RAPGEF1: variants seen among roughly 807,000 people sequenced by gnomAD.
The protein encoded by RAPGEF1 is CRK SH3-binding GNRP.
Under a neutral mutation model 143.3 loss-of-function variants are expected in RAPGEF1, and 33 were observed. The observed-to-expected ratio is 0.23, with a 90% CI of 0.17 to 0.31. The LOEUF is 0.31. RAPGEF1 is among the 10% of genes least tolerant of loss of function. The pLI is 1.00. For synonymous variants in RAPGEF1, 629 were observed against 676.5 expected, an observed-to-expected ratio of 0.93 and a Z score of 1.09; for missense variants, 1,199 against 1,645.4, an observed-to-expected ratio of 0.73 and a Z score of 4.69.
rs778931100 is a variant in RAPGEF1, at chr9:131,583,465, C to T, written c.3415-763G>A. Among the ~76,000 whole-genome samples, 3 of 150,026 alleles carry T rather than the reference C, an allele frequency of 2.0e-5. No individual in the cohort carries two copies. Among genetic ancestry groups the T allele is most frequent in the Non-Finnish European group, 4.4e-5 (3 of 67,432 alleles). Reference sequence around the variant, plus strand: ...CTGGGTCACACTCGGGTTCCTGACACGACCCCCAGGTGGCCTGGCTGACGC... The same window carrying T: ...CTGGGTCACACTCGGGTTCCTGACATGACCCCCAGGTGGCCTGGCTGACGC... On this transcript the variant is annotated intron_variant, in intron 24 of 26. Coordinates refer to ENST00000683357, the MANE Select transcript of RAPGEF1 (RefSeq NM_001377935.1). The surrounding 1 kb of genome is among the most constrained non-coding windows in gnomAD (Gnocchi z 4.7).
At chr9:131,672,327 T>C (rs1350622261) in intron 1 of RAPGEF1, among the ~76,000 whole-genome samples, 1 of 152,262 alleles carries the variant, frequency 6.6e-6, no homozygotes, top group East Asian at 1.9e-4. Flanking sequence ...ACTTGCTATT[T>C]CACTGAATCA....
At chr9:131,739,693 C>T in intron 1 of RAPGEF1, 77 bp downstream of exon 1, 1 of 997,478 alleles carries the variant, frequency 1.0e-6, no homozygotes, top group Non-Finnish European at 1.2e-6. Context: ...CCCGGGCGAC[C>T]CGCGCTCGGC....
chr9:131,579,563 T>C lies in RAPGEF1; in HGVS notation c.3726A>G (p.Glu1242=), dbSNP rs775624093. The C allele has an allele frequency of 2.1e-5, 34 of 1,614,028 alleles. No individual in the cohort carries two copies. Among genetic ancestry groups the C allele is most frequent in the Non-Finnish European group, 2.7e-5 (32 of 1,179,862 alleles). ...SDHLAEEALW[E]LSLKIKPRNI... Reference sequence around the variant, plus strand: ...TCCTGGGTTTAATTTTCAGAGACAGTTCCCATAGGGCCTCCTCAGCCAGGT... The same window carrying C: ...TCCTGGGTTTAATTTTCAGAGACAGCTCCCATAGGGCCTCCTCAGCCAGGT... Residue 1242 remains glutamate (E), a synonymous_variant, in exon 27 of 27, where the codon GAA becomes GAG. Coordinates refer to ENST00000683357, the MANE Select transcript of RAPGEF1 (RefSeq NM_001377935.1).
At chr9:131,673,402 T>C (rs1363874079) in intron 1 of RAPGEF1, among the ~76,000 whole-genome samples, 1 of 152,176 alleles carries the variant, frequency 6.6e-6, no homozygotes, top group East Asian at 1.9e-4. Context: ...AGCTAGAGGT[T>C]GGGGTCCCAA....
intron 16 of RAPGEF1, among the ~76,000 whole-genome samples, chr9:131,596,596 T>C (rs1307735263): frequency 6.6e-6 from 1 of 152,204 alleles, no homozygotes; most frequent in African/African-American, 2.4e-5. Context: ...GGACTGTGTC[T>C]GGGAGCTGGA....
Position 131,584,536 on chromosome 9 carries a change from C to T in RAPGEF1, c.3294G>A (p.Lys1098=). ...KAQDRERLLL[K]FIKIMKHLRK... is the part of the protein sequence containing the mutation. ...CCATTACCTTCATGATCTTGATGAA[C>T]TTCAAGAGCAGCCGTTCCCTGTCCT... The change falls in exon 23 of 27, where the codon AAG becomes AAA. Residue 1098 remains lysine, a synonymous_variant. Coordinates refer to ENST00000683357, the MANE Select transcript of RAPGEF1 (RefSeq NM_001377935.1). The surrounding 1 kb of genome is among the most constrained non-coding windows in gnomAD (Gnocchi z 6.8). 1 of 1,614,020 alleles carries T rather than the reference C, an allele frequency of 6.2e-7. No individual in the cohort carries two copies. The highest frequency in any genetic ancestry group is 8.5e-7 in the Non-Finnish European group (1 of 1,179,888).
At chr9:131,686,506 G>A (rs1833363402) in intron 1 of RAPGEF1, among the ~76,000 whole-genome samples, 4 of 152,266 alleles carry the variant, frequency 2.6e-5, no homozygotes, top group Middle Eastern at 6.8e-3. Context: ...GCCACACAAG[G>A]AGCTGCCCAA....
At chr9:131,649,200 A>ATTTTTTTTT (rs55813422) in intron 3 of RAPGEF1, among the ~76,000 whole-genome samples, 12 of 87,240 alleles carry the variant, frequency 1.4e-4, no homozygotes, top group East Asian at 3.5e-4. Flanking sequence ...GCCTGGCTAA[A>ATTTTTTTTT]TTTTTTTTTT....
chr9:131,685,295 C>T (rs759727911), intron 1 of RAPGEF1, among the ~76,000 whole-genome samples: 1 of 152,192 alleles, frequency 6.6e-6, no homozygotes, highest in African/African-American at 2.4e-5. Flanking sequence ...TCAAAGAAGG[C>T]GGACATGTTG....
At chr9:131,615,627 G>C (rs577447755) in intron 12 of RAPGEF1, among the ~76,000 whole-genome samples, 5 of 152,274 alleles carry the variant, frequency 3.3e-5, no homozygotes, top group Admixed American at 2.0e-4. Flanking sequence ...GAGACGGGAG[G>C]GCTGGCTGTC....
chr9:131,622,094 A>G (rs558946923), intron 10 of RAPGEF1, 96 bp from the exon 11 acceptor site: 88 of 1,194,370 alleles, frequency 7.4e-5, no homozygotes, highest in Middle Eastern at 4.1e-4. Context: ...GGGGCTTTCC[A>G]CTGAAAGCAC....
At chr9:131,654,764 G>C in intron 1 of RAPGEF1, among the ~76,000 whole-genome samples, 1 of 152,212 alleles carries the variant, frequency 6.6e-6, no homozygotes, top group East Asian at 1.9e-4. Flanking sequence ...TCCCAGTGCT[G>C]ACATGGCAGT....
At position 131,644,166 on chromosome 9, in the gene RAPGEF1, C is replaced by T. The variant is rs574731381; in HGVS notation, c.316-749G>A. On this transcript the variant is annotated intron_variant, in intron 3 of 26. Coordinates refer to ENST00000683357, the MANE Select transcript of RAPGEF1 (RefSeq NM_001377935.1). ...GAGAAAGGGAAAATACAGAGCCCTG[C>T]GCTTTCCAGTGTTTAAGCCACAACC... Among the ~76,000 whole-genome samples the T allele has an allele frequency of 3.9e-5, 6 of 152,302 alleles. No homozygotes were observed. In the South Asian group the frequency reaches 1.0e-3, roughly 26 times the overall value.
At chr9:131,697,329 C>T (rs139027934) in intron 1 of RAPGEF1, among the ~76,000 whole-genome samples, 181 of 152,372 alleles carry the variant, frequency 1.2e-3, no homozygotes, top group Non-Finnish European at 1.9e-3. Flanking sequence ...TTACTCACTG[C>T]TCTGCTCCCT....
chr9:131,608,377 C>A (rs1957449771), intron 12 of RAPGEF1, among the ~76,000 whole-genome samples: 1 of 152,196 alleles, frequency 6.6e-6, no homozygotes, highest in Non-Finnish European at 1.5e-5. Context: ...AGTCTAGGCA[C>A]TGTATTAATT....
At chr9:131,631,178 T>C (rs1964741523) in intron 5 of RAPGEF1, among the ~76,000 whole-genome samples, 1 of 151,826 alleles carries the variant, frequency 6.6e-6, no homozygotes, top group Non-Finnish European at 1.5e-5. Context: ...ACCTTCTTTT[T>C]AAAAACAGCT....
At chr9:131,695,451 T>C (rs962014994) in intron 1 of RAPGEF1, among the ~76,000 whole-genome samples, 2 of 152,164 alleles carry the variant, frequency 1.3e-5, no homozygotes, top group African/African-American at 4.8e-5. Context: ...AGCAAAGCCA[T>C]CTGAAGCTAT....
chr9:131,673,293 A>G (rs1407516479), intron 1 of RAPGEF1, among the ~76,000 whole-genome samples: 3 of 152,212 alleles, frequency 2.0e-5, no homozygotes, highest in Non-Finnish European at 4.4e-5. Flanking sequence ...TTTTCAAATC[A>G]GAATTCCTAA....
chr9:131,647,127 C>T (rs537633284), intron 3 of RAPGEF1, among the ~76,000 whole-genome samples: 1 of 152,346 alleles, frequency 6.6e-6, no homozygotes, highest in South Asian at 2.1e-4. Context: ...CTCTGCAGCT[C>T]ACTGCTAGAC....
Sources: allele counts gnomAD v4.1 joint callset (sites outside exome capture counted in the v4.1 genomes callset), GRCh38; gene constraint gnomAD v4.1.1; non-coding constraint Gnocchi (gnomAD v3.1); transcripts MANE v1.5; gene names NCBI Gene and HGNC (gene_info 2026-07-23, HGNC 2026-07-21).